ATRNL1: variants seen among roughly 807,000 people sequenced by gnomAD.
ATRNL1 encodes the protein attractin-like protein 1.
In ATRNL1, 95 loss-of-function variants were observed where a neutral mutation model predicts 182.7. That is an observed-to-expected ratio of 0.52 (90% confidence interval 0.44 to 0.62). The LOEUF (loss-of-function observed/expected upper bound fraction) is 0.62, where lower values mean the gene tolerates loss of function less well. ATRNL1 is among the 20% of genes least tolerant of loss of function. The pLI is 0.00. For synonymous variants in ATRNL1, 576 were observed against 568.3 expected, an observed-to-expected ratio of 1.01 and a Z score of -0.19; for missense variants, 1,471 against 1,679.5, an observed-to-expected ratio of 0.88 and a Z score of 2.17.
At chr10:115,245,510 A>C (rs1850596181) in intron 10 of ATRNL1, among the ~76,000 whole-genome samples, 3 of 151,642 alleles carry the variant, frequency 2.0e-5, no homozygotes, top group African/African-American at 7.3e-5. Flanking sequence ...AAAAAAAAAA[A>C]AAAAAAAAAA....
At chr10:115,493,432 C>T (rs1022798562) in intron 24 of ATRNL1, among the ~76,000 whole-genome samples, 2 of 152,160 alleles carry the variant, frequency 1.3e-5, no homozygotes, top group African/African-American at 2.4e-5. Flanking sequence ...CATGTTGCTA[C>T]AGAGGACATG....
chr10:115,442,857 T>G (rs1447577287), intron 21 of ATRNL1, among the ~76,000 whole-genome samples: 4 of 152,116 alleles, frequency 2.6e-5, no homozygotes, highest in African/African-American at 9.7e-5. Context: ...GATTGGAATT[T>G]TATTAATTTA....
intron 18 of ATRNL1, among the ~76,000 whole-genome samples, chr10:115,322,752 G>A (rs1242505782): frequency 3.9e-5 from 6 of 152,020 alleles, no homozygotes; most frequent in Admixed American, 2.0e-4. Context: ...TCTAAAGGTA[G>A]ATTTGCTTGA....
At chr10:115,891,426 A>G (rs890919715) in intron 28 of ATRNL1, among the ~76,000 whole-genome samples, 15 of 152,222 alleles carry the variant, frequency 9.9e-5, no homozygotes, top group Admixed American at 9.2e-4. Flanking sequence ...AGAGTTTCGC[A>G]AATAAATAAG....
intron 15 of ATRNL1, among the ~76,000 whole-genome samples, chr10:115,295,361 A>G (rs782371686): frequency 2.6e-5 from 4 of 152,018 alleles, no homozygotes; most frequent in Non-Finnish European, 4.4e-5. Flanking sequence ...ATATGCTTAT[A>G]TGGCTTTCTG....
At chr10:115,226,280 A>C (rs1180840558) in intron 9 of ATRNL1, among the ~76,000 whole-genome samples, 1 of 152,050 alleles carries the variant, frequency 6.6e-6, no homozygotes, top group African/African-American at 2.4e-5. Context: ...TGTTAGATCT[A>C]AATGTGGAAG....
chr10:115,145,661 T>C (rs1845940833), intron 5 of ATRNL1, among the ~76,000 whole-genome samples: 1 of 152,160 alleles, frequency 6.6e-6, no homozygotes, highest in Non-Finnish European at 1.5e-5. Context: ...AACACTTGCA[T>C]TGAAATCTTG....
intron 26 of ATRNL1, among the ~76,000 whole-genome samples, chr10:115,667,326 AAAC>A (rs782624620): frequency 1.1e-4 from 16 of 152,174 alleles, no homozygotes; most frequent in Non-Finnish European, 1.8e-4. Context: ...TAATGACTTA[AAAC>A]AACAATAATG....
intron 27 of ATRNL1, among the ~76,000 whole-genome samples, chr10:115,737,435 A>T (rs573851581): frequency 1.4e-5 from 2 of 141,188 alleles, no homozygotes; most frequent in African/African-American, 2.6e-5. Context: ...GACCCTGTCT[A>T]AAAAAAAAAA....
At chr10:115,558,037 C>CCAT (rs1853421457) in intron 26 of ATRNL1, among the ~76,000 whole-genome samples, 2 of 146,930 alleles carry the variant, frequency 1.4e-5, no homozygotes, top group Non-Finnish European at 3.0e-5. Context: ...GAGCAAGACT[C>CCAT]CATCTCAAAA....
chr10:115,720,893 A>T (rs1411677984), intron 26 of ATRNL1, among the ~76,000 whole-genome samples: 2 of 152,218 alleles, frequency 1.3e-5, no homozygotes, highest in African/African-American at 2.4e-5. Context: ...TGTTTTAAGC[A>T]TTAATATGAG....
chr10:115,458,481 C>T (rs1565065793), intron 21 of ATRNL1, among the ~76,000 whole-genome samples: 1 of 151,814 alleles, frequency 6.6e-6, no homozygotes, highest in Non-Finnish European at 1.5e-5. Flanking sequence ...TATTTTTAGC[C>T]TGATTGACAT....
chr10:115,777,695 A>T (rs189767575), intron 27 of ATRNL1, among the ~76,000 whole-genome samples: 19 of 152,344 alleles, frequency 1.2e-4, no homozygotes, highest in African/African-American at 4.3e-4. Flanking sequence ...GCCCTGTGCT[A>T]GATGCTGTGG....
chr10:115,904,228 G>A lies in ATRNL1; in HGVS notation c.4019-40430G>A, dbSNP rs543674490. Among the ~76,000 whole-genome samples, 20 of 152,308 alleles carry A rather than the reference G, an allele frequency of 1.3e-4. No individual in the cohort carries two copies. The South Asian group carries it at 3.5e-3, about 27-fold the overall frequency. On this transcript the variant is annotated intron_variant, in intron 28 of 28. Transcript: ENST00000355044. ...ACTACTCCCACCAGGCTCAGCATTG[G>A]TTGGCTGGGACCATCCTGGAAGAAT... is the stretch of plus-strand genomic sequence containing the variant.
intron 9 of ATRNL1, among the ~76,000 whole-genome samples, chr10:115,230,917 G>GAGAGAGAGAGAA (rs1849917158): frequency 1.4e-5 from 2 of 138,412 alleles, no homozygotes; most frequent in Non-Finnish European, 3.1e-5. Flanking sequence ...GAGAGAGAGA[G>GAGAGAGAGAGAA]AGAGAAAGAG....
intron 8 of ATRNL1, among the ~76,000 whole-genome samples, chr10:115,205,174 A>G (rs1348686393): frequency 6.6e-6 from 1 of 151,988 alleles, no homozygotes; most frequent in Non-Finnish European, 1.5e-5. Context: ...ACAGTGATTC[A>G]CACACCACCA....
intron 10 of ATRNL1, among the ~76,000 whole-genome samples, chr10:115,248,217 G>C (rs1554904559): frequency 6.6e-6 from 1 of 152,092 alleles, no homozygotes; most frequent in Non-Finnish European, 1.5e-5. Context: ...CGAGATGATT[G>C]ATATGCCAGT....
rs374802693 is a variant in ATRNL1 at position 115,354,168 on chromosome 10, A to T, written c.3175+19749A>T. 2.0e-5 allele frequency among the ~76,000 whole-genome samples: 3 copies of T among 149,764 alleles called. No individual in the cohort carries two copies. In the East Asian group the frequency reaches 6.2e-4, roughly 31 times the overall value. On this transcript the variant is annotated intron_variant, in intron 19 of 28. Transcript: ENST00000355044. ...TTTAGCTCATCCACTATCATTAGTG[A>T]TAGTGTGTTTTATACGTGGCCCATG...
intron 28 of ATRNL1, among the ~76,000 whole-genome samples, chr10:115,934,598 T>A (rs1313254462): frequency 1.3e-5 from 2 of 152,070 alleles, no homozygotes; most frequent in Non-Finnish European, 2.9e-5. Flanking sequence ...TACTACTCTC[T>A]CCTAAATATC....
Sources: allele counts gnomAD v4.1 joint callset (sites outside exome capture counted in the v4.1 genomes callset), GRCh38; gene constraint gnomAD v4.1.1; transcripts MANE v1.5; gene names NCBI Gene and HGNC (gene_info 2026-07-23, HGNC 2026-07-21).